HTR3B: variants seen among roughly 807,000 people sequenced by gnomAD.
HTR3B encodes 5-hydroxytryptamine receptor 3B.
A neutral mutation model predicts 42.8 loss-of-function variants in HTR3B; 44 were observed. The observed-to-expected ratio is 1.03, with a 90% CI of 0.81 to 1.32. The LOEUF (loss-of-function observed/expected upper bound fraction) is 1.32. Among genes scored for constraint, HTR3B ranks in the 40% most tolerant of loss-of-function variants. The probability of loss-of-function intolerance (pLI) is 0.00; values close to 1 mark genes in which losing one functional copy is unlikely to be tolerated. For synonymous variants in HTR3B, 203 were observed against 209.0 expected, an observed-to-expected ratio of 0.97 and a Z score of 0.25; for missense variants, 527 against 536.5, an observed-to-expected ratio of 0.98 and a Z score of 0.17.
rs145795113 is a variant in HTR3B, at chr11:113,943,166, G to A, written c.881G>A (p.Arg294Gln). The A allele has an allele frequency of 8.1e-6, 13 of 1,613,644 alleles. No homozygotes were observed. Among genetic ancestry groups the A allele is most frequent in the Admixed American group, 3.3e-5 (2 of 59,978 alleles). Residue 294 changes from arginine to glutamine, a missense_variant, in exon 7 of 9, where the codon CGG (arginine) becomes CAG (glutamine). Coordinates refer to ENST00000260191, the MANE Select transcript of HTR3B (RefSeq NM_006028.5). ...GTCAACATGTCCAACCAGGTGCCAC[G>A]GAGTGTAGGGAGCACCCCTCTGATT... ...FRVNMSNQVP[R>Q]SVGSTPLIGH... is the part of the protein sequence containing the mutation.
rs116076299 is a variant in HTR3B, at chr11:113,935,182, T to C, written c.696+2089T>C. Among the ~76,000 whole-genome samples, 760 of 140,006 alleles carry C rather than the reference T, an allele frequency of 5.4e-3. 4 individuals carry two copies. The highest frequency in any genetic ancestry group is 0.018 in the African/African-American group (727 of 40,542). The allele number at this position is 140,006 out of a possible 152,430, so 91.8% of individuals were successfully genotyped here. A position where few individuals can be genotyped will look rare whatever the true frequency, so the allele number is the denominator to read the frequency against. ...CTATATACCATCTCCATTTTAATTA[T>C]GATGAACAGAGACAGAAGATTGTCT... On this transcript the variant is annotated intron_variant, in intron 6 of 8. Transcript: ENST00000260191.
chr11:113,911,841 T>C (rs1044796021), intron 2 of HTR3B, among the ~76,000 whole-genome samples: 3 of 152,082 alleles, frequency 2.0e-5, no homozygotes, highest in African/African-American at 7.2e-5. Context: ...ATAACCCATA[T>C]CTCTATCAAG....
chr11:113,927,019 G>A (rs569556356), intron 2 of HTR3B, among the ~76,000 whole-genome samples: 35 of 152,222 alleles, frequency 2.3e-4, no homozygotes, highest in Middle Eastern at 3.4e-3. Flanking sequence ...GATGGTGAGC[G>A]TCTTTTCATG....
chr11:113,911,070 T>A (rs551458299), intron 2 of HTR3B, among the ~76,000 whole-genome samples: 4 of 151,970 alleles, frequency 2.6e-5, no homozygotes, highest in African/African-American at 9.6e-5. Flanking sequence ...TCGTGATCCA[T>A]CTGCCTCAGC....
At position 113,943,147 on chromosome 11, in the gene HTR3B, A is replaced by G. The variant is rs1329634450; in HGVS notation, c.862A>G (p.Met288Val). 6.2e-6 allele frequency: 10 copies of G among 1,614,110 alleles called. No homozygotes were observed. The South Asian group carries it at 1.1e-4, about 18-fold the overall frequency. Residue 288 changes from methionine (M) to valine (V), a missense_variant, in exon 7 of 9, where the codon ATG becomes GTG. Physicochemically the swap from Met to Val is conservative, Grantham distance 21 (BLOSUM62 1). Coordinates refer to ENST00000260191, the MANE Select transcript of HTR3B (RefSeq NM_006028.5). ...LVGYTVFRVN[M>V]SNQVPRSVGS... ...GGGCTACACCGTCTTCAGGGTCAAC[A>G]TGTCCAACCAGGTGCCACGGAGTGT... is the stretch of plus-strand genomic sequence containing the variant.
intron 3 of HTR3B, 31 bp from the exon 4 acceptor site, chr11:113,931,727 G>T: frequency 2.4e-6 from 3 of 1,273,952 alleles, no homozygotes; most frequent in Non-Finnish European, 3.4e-6. Context: ...GCCCCATTTT[G>T]ATAAGTTTTC....
At chr11:113,909,053 A>G in intron 1 of HTR3B, 2 of 579,624 alleles carry the variant, frequency 3.5e-6, no homozygotes, top group Non-Finnish European at 6.0e-6. Context: ...CAGTTTTCCA[A>G]CCTTGGAGAT....
intron 8 of HTR3B, among the ~76,000 whole-genome samples, chr11:113,945,326 G>T (rs911061561): frequency 6.6e-6 from 1 of 152,000 alleles, no homozygotes; most frequent in South Asian, 2.1e-4. Context: ...GTAGAGACAG[G>T]GTTTCACCAT....
At chr11:113,937,237 A>T (rs1045041324) in intron 6 of HTR3B, among the ~76,000 whole-genome samples, 2 of 152,184 alleles carry the variant, frequency 1.3e-5, no homozygotes, top group Non-Finnish European at 2.9e-5. Context: ...TTCTTGCATG[A>T]TCTGCAGAGA....
chr11:113,911,422 G>T (rs1226989598), intron 2 of HTR3B, among the ~76,000 whole-genome samples: 3 of 151,800 alleles, frequency 2.0e-5, no homozygotes, highest in Non-Finnish European at 4.4e-5. Flanking sequence ...TAGAGATGGG[G>T]TTTCACCATG....
At chr11:113,900,931 T>G (rs1322298936), upstream of HTR3B, among the ~76,000 whole-genome samples, 1 of 151,986 alleles carries the variant, frequency 6.6e-6, no homozygotes, top group Non-Finnish European at 1.5e-5. Context: ...CTCACTATCA[T>G]GAGAACAGCA....
intron 2 of HTR3B, among the ~76,000 whole-genome samples, chr11:113,919,548 G>A (rs947839902): frequency 6.6e-6 from 1 of 152,090 alleles, no homozygotes; most frequent in Admixed American, 6.5e-5. Context: ...CAAGGTTTAG[G>A]CAGGGCGCTG....
chr11:113,918,523 T>G (rs1949879201), intron 2 of HTR3B, among the ~76,000 whole-genome samples: 1 of 152,130 alleles, frequency 6.6e-6, no homozygotes, highest in South Asian at 2.1e-4. Flanking sequence ...CCTTTGAGAT[T>G]GGCTTTTTTC....
intron 2 of HTR3B, among the ~76,000 whole-genome samples, chr11:113,910,719 C>T (rs775708831): frequency 1.4e-4 from 22 of 152,078 alleles, no homozygotes; most frequent in Middle Eastern, 6.8e-3. Flanking sequence ...GGATTACAGG[C>T]GTGAGCCACC....
At position 113,940,838 on chromosome 11, in the gene HTR3B, T is replaced by C. The variant is rs116392667; in HGVS notation, c.697-2144T>C. 9.0e-3 allele frequency among the ~76,000 whole-genome samples: 1,377 copies of C among 152,284 alleles called. 26 individuals carry two copies. The highest frequency in any genetic ancestry group is 0.031 in the African/African-American group (1,302 of 41,544). ...TTCATCTCTGCCCTGGCTCATTTCTTTGTGACACTCTTCTCCAGTGGGAGA... is the reference window on the plus strand; with the variant it reads ...TTCATCTCTGCCCTGGCTCATTTCTCTGTGACACTCTTCTCCAGTGGGAGA... On this transcript the variant is annotated intron_variant, in intron 6 of 8. Transcript: ENST00000260191.
chr11:113,939,770 C>T lies in HTR3B; in HGVS notation c.697-3212C>T, dbSNP rs540513107. ...TGTTTGGCAAGGCAAAAGTAAACTGCTTTTTGAAAAAGGAGGAAATCAAGG... is the reference window on the plus strand; with the variant it reads ...TGTTTGGCAAGGCAAAAGTAAACTGTTTTTTGAAAAAGGAGGAAATCAAGG... On this transcript the variant is annotated intron_variant, in intron 6 of 8. Coordinates refer to ENST00000260191, the MANE Select transcript of HTR3B (RefSeq NM_006028.5). 2.0e-5 allele frequency among the ~76,000 whole-genome samples: 3 copies of T among 152,112 alleles called. No homozygotes were observed. The South Asian group carries it at 6.2e-4, about 32-fold the overall frequency.
At chr11:113,939,888 G>GTTTT (rs60017270) in intron 6 of HTR3B, among the ~76,000 whole-genome samples, 1 of 137,944 alleles carries the variant, frequency 7.2e-6, no homozygotes, top group African/African-American at 2.7e-5. Context: ...TCCCCTTGGT[G>GTTTT]TTTTTTTTTT....
upstream of HTR3B, among the ~76,000 whole-genome samples, chr11:113,902,297 GT>G (rs1009535275): frequency 2.9e-4 from 43 of 148,820 alleles, no homozygotes; most frequent in Admixed American, 4.7e-4. Flanking sequence ...TTTGTTTTTT[GT>G]TTTTTTTTTC....
upstream of HTR3B, among the ~76,000 whole-genome samples, chr11:113,903,726 C>T (rs768949609): frequency 6.6e-6 from 1 of 152,132 alleles, no homozygotes; most frequent in Non-Finnish European, 1.5e-5. Context: ...CCACGCCCAG[C>T]TTATTTGCAA....
Sources: allele counts gnomAD v4.1 joint callset (sites outside exome capture counted in the v4.1 genomes callset), GRCh38; gene constraint gnomAD v4.1.1; transcripts MANE v1.5; gene names NCBI Gene and HGNC (gene_info 2026-07-23, HGNC 2026-07-21).